The following TMEM232 variants were observed in gnomAD, a reference collection of about 807,000 sequenced individuals.
TMEM232 encodes transmembrane protein 232.
In TMEM232, 80 loss-of-function variants were observed where a neutral mutation model predicts 78.8. The ratio of observed to expected loss-of-function variants is 1.01; its 90% CI spans 0.85 to 1.22. The LOEUF (loss-of-function observed/expected upper bound fraction) is 1.22, where lower values mean the gene tolerates loss of function less well. Among genes scored for constraint, TMEM232 ranks in the 50% most tolerant of loss-of-function variants. The pLI, the probability that TMEM232 is intolerant of heterozygous loss-of-function variation, is 0.00. For missense variants in TMEM232, 881 were observed against 742.2 expected, an observed-to-expected ratio of 1.19 and a Z score of -2.17; for synonymous variants, 297 against 254.3, an observed-to-expected ratio of 1.17 and a Z score of -1.60.
At chr5:110,637,590 A>T (rs528416050) in intron 5 of TMEM232, among the ~76,000 whole-genome samples, 63 of 151,836 alleles carry the variant, frequency 4.1e-4, no homozygotes, top group East Asian at 3.3e-3. Context: ...TATATATATA[A>T]AAAACCATCT....
chr5:110,506,206 T>C (rs1004348977), intron 12 of TMEM232, among the ~76,000 whole-genome samples: 1 of 152,172 alleles, frequency 6.6e-6, no homozygotes, highest in Non-Finnish European at 1.5e-5. Context: ...ACTGACCTAT[T>C]TTTTTCCACC....
intron 8 of TMEM232, among the ~76,000 whole-genome samples, chr5:110,611,538 C>T (rs897096477): frequency 2.0e-5 from 3 of 152,090 alleles, no homozygotes; most frequent in Non-Finnish European, 2.9e-5. Context: ...ACCTATCAGG[C>T]GTTTCTGGCT....
At chr5:110,538,825 T>C (rs1187529407) in intron 11 of TMEM232, among the ~76,000 whole-genome samples, 2 of 152,102 alleles carry the variant, frequency 1.3e-5, no homozygotes. Context: ...GTTTTTTTTT[T>C]TGATACAGAA....
At chr5:110,702,186 A>G (rs1036105243) in intron 1 of TMEM232, among the ~76,000 whole-genome samples, 1 of 152,044 alleles carries the variant, frequency 6.6e-6, no homozygotes, top group African/African-American at 2.4e-5. Context: ...AAATCTTACA[A>G]TAGCCCCTGT....
intron 12 of TMEM232, among the ~76,000 whole-genome samples, chr5:110,493,966 T>C (rs1166297565): frequency 6.6e-6 from 1 of 151,952 alleles, no homozygotes; most frequent in East Asian, 1.9e-4. Flanking sequence ...GTGTGTGATG[T>C]TCCCCTGCCT....
intron 12 of TMEM232, among the ~76,000 whole-genome samples, chr5:110,472,615 CA>C (rs959587802): frequency 3.2e-4 from 48 of 151,722 alleles, no homozygotes; most frequent in African/African-American, 1.2e-3. Context: ...CAAACAAAAC[CA>C]AAACCAAATA....
intron 12 of TMEM232, among the ~76,000 whole-genome samples, chr5:110,497,859 A>G (rs564881014): frequency 6.6e-6 from 1 of 152,134 alleles, no homozygotes; most frequent in East Asian, 1.9e-4. Context: ...GCCATCTGAT[A>G]CTCCCAATTT....
chr5:110,473,807 C>CA (rs1209290415), intron 12 of TMEM232, among the ~76,000 whole-genome samples: 51 of 95,704 alleles, frequency 5.3e-4, no homozygotes, highest in Admixed American at 1.6e-3. Context: ...TAGTCAAATT[C>CA]AAAAAAAAAG....
intron 12 of TMEM232, among the ~76,000 whole-genome samples, chr5:110,527,497 C>T (rs1207691358): frequency 6.6e-6 from 1 of 151,900 alleles, no homozygotes; most frequent in Non-Finnish European, 1.5e-5. Flanking sequence ...TTTACAGATG[C>T]ATTTTCAGCA....
intron 11 of TMEM232, among the ~76,000 whole-genome samples, chr5:110,533,880 G>A (rs1376512785): frequency 6.6e-6 from 1 of 152,122 alleles, no homozygotes; most frequent in East Asian, 1.9e-4. Flanking sequence ...TATAGTACAA[G>A]CCACTAGCCC....
chr5:110,518,537 G>T (rs1161192840), intron 12 of TMEM232, among the ~76,000 whole-genome samples: 1 of 151,894 alleles, frequency 6.6e-6, no homozygotes, highest in Non-Finnish European at 1.5e-5. Flanking sequence ...ATTTATTTCT[G>T]CACACAAGAC....
At chr5:110,387,522 A>G (rs1043267259) in intron 5 of TMEM232, among the ~76,000 whole-genome samples, 3 of 152,172 alleles carry the variant, frequency 2.0e-5, no homozygotes, top group Non-Finnish European at 2.9e-5. Context: ...AAAATAAACT[A>G]CGACTTTTTT....
intron 1 of TMEM232, among the ~76,000 whole-genome samples, chr5:110,724,426 T>G (rs1010072202): frequency 6.6e-6 from 1 of 152,230 alleles, no homozygotes; most frequent in African/African-American, 2.4e-5. Flanking sequence ...TGTGTATAAC[T>G]TAACCTGTTA....
At chr5:110,592,851 G>A (rs1028571011) in intron 10 of TMEM232, among the ~76,000 whole-genome samples, 5 of 152,066 alleles carry the variant, frequency 3.3e-5, no homozygotes, top group East Asian at 1.9e-4. Flanking sequence ...TCTTTGATTC[G>A]TAACATTGTC....
chr5:110,619,180 AT>A (rs1783326254), intron 7 of TMEM232, among the ~76,000 whole-genome samples: 1 of 152,216 alleles, frequency 6.6e-6, no homozygotes, highest in African/African-American at 2.4e-5. Flanking sequence ...AACAGTGAAG[AT>A]TCAAATACAC....
chr5:110,635,281 C>A (rs1330743459), intron 5 of TMEM232, among the ~76,000 whole-genome samples: 3 of 151,926 alleles, frequency 2.0e-5, no homozygotes, highest in Non-Finnish European at 4.4e-5. Flanking sequence ...TACCAACCCT[C>A]CTCAAACTAT....
intron 12 of TMEM232, among the ~76,000 whole-genome samples, chr5:110,519,287 A>G (rs1769152537): frequency 6.6e-6 from 1 of 152,222 alleles, no homozygotes; most frequent in Admixed American, 6.5e-5. Flanking sequence ...TTTGGGCTGA[A>G]TATCAATCTT....
At chr5:110,520,246 T>C (rs1333050786) in intron 12 of TMEM232, among the ~76,000 whole-genome samples, 2 of 152,078 alleles carry the variant, frequency 1.3e-5, no homozygotes. Context: ...TTACATATTG[T>C]ATGCTTGTTT....
At chr5:110,720,791 GC>G (rs1174529056) in intron 1 of TMEM232, 1 of 151,962 alleles carries the variant, frequency 6.6e-6, no homozygotes, top group Non-Finnish European at 1.5e-5. Flanking sequence ...GCTATATTAT[GC>G]TTCTTTCTAT....
Sources: gnomAD v4.1 joint callset for allele counts (sites outside exome capture counted in the v4.1 genomes callset) on GRCh38, gnomAD v4.1.1 for gene constraint, MANE v1.5 for transcripts, NCBI Gene and HGNC (gene_info 2026-07-23, HGNC 2026-07-21) for gene names.